TAFAZZIN: variants seen among roughly 807,000 people sequenced by gnomAD.
The protein encoded by TAFAZZIN is tafazzin, phospholipid-lysophospholipid transacylase, also known as protein G4.5.
TAFAZZIN carries 6 observed loss-of-function variants against 27.3 expected under a neutral mutation model. The ratio of observed to expected loss-of-function variants is 0.22; its 90% CI spans 0.12 to 0.43. TAFAZZIN has a LOEUF of 0.43. Among genes scored for constraint, TAFAZZIN ranks in the 20% least tolerant of loss-of-function variants. The pLI is 1.00. For missense variants in TAFAZZIN, 127 were observed against 244.5 expected (o/e 0.52, Z 3.21); for synonymous variants, 79 against 96.2 (o/e 0.82, Z 1.04).
At chrX:154,419,654 C>T in intron 6 of TAFAZZIN, 31 bp downstream of exon 6, 2 of 1,211,855 alleles carry the variant, frequency 1.7e-6, no homozygotes, top group South Asian at 3.5e-5. Context: ...CGAGCCCCCC[C>T]AGTATGAGCG....
intron 10 of TAFAZZIN, 39 bp downstream of exon 10, chrX:154,420,774 C>T (rs2068608504): frequency 1.7e-6 from 2 of 1,197,075 alleles, no homozygotes; most frequent in South Asian, 3.5e-5. Context: ...TGTCCCCGGA[C>T]CCCCTGCTGC....
chrX:154,414,027 G>C, intron 4 of TAFAZZIN, 74 bp from the exon 5 acceptor site: 1 of 672,441 alleles, frequency 1.5e-6, no homozygotes, highest in African/African-American at 2.1e-5. Context: ...CAGAGATTAA[G>C]CTGCTGGCCC....
intron 4 of TAFAZZIN, 136 bp from the exon 5 acceptor site, chrX:154,413,965 C>A: frequency 1.9e-6 from 1 of 521,999 alleles, no homozygotes; most frequent in Non-Finnish European, 3.5e-6. Flanking sequence ...GGGGTGAGAA[C>A]CCCAGGGGAT....
Position 154,411,676 on chromosome X carries a change from C to T in TAFAZZIN, c.-168C>T, listed in dbSNP as rs1557190511. 3 of 517,895 alleles carry T rather than the reference C, an allele frequency of 5.8e-6. No homozygotes were observed. In the East Asian group the frequency reaches 1.2e-4, roughly 20 times the overall value. The allele number at this position is 517,895 out of a possible 1,213,427, so 42.7% of individuals were successfully genotyped here. A position where few individuals can be genotyped will look rare whatever the true frequency, so the allele number is the denominator to read the frequency against. ...GAGCGGGGCCGGGCGCTGCTCCGGC[C>T]TGACCTGCGAAGGGACCTCGGTCCA... is the stretch of plus-strand genomic sequence containing the variant. On this transcript the variant is annotated 5_prime_UTR_variant, in exon 1 of 11. Coordinates refer to ENST00000601016, the MANE Select transcript of TAFAZZIN (RefSeq NM_000116.5).
In TAFAZZIN at chrX:154,413,264, T is replaced by C; in HGVS notation, c.284+12T>C. The C allele has an allele frequency of 8.3e-7, 1 of 1,211,240 alleles. No homozygotes were observed. Among genetic ancestry groups the C allele is most frequent in the South Asian group, 1.8e-5 (1 of 56,919 alleles). On this transcript the variant is annotated intron_variant, in intron 3 of 10. Coordinates refer to ENST00000601016, the MANE Select transcript of TAFAZZIN (RefSeq NM_000116.5). Reference sequence around the variant, plus strand: ...AAGTTGATGCGTTGGTGAGGAGGAATGGGCCCCTCGAAGTGGGCCGGGCCG... The same window carrying C: ...AAGTTGATGCGTTGGTGAGGAGGAACGGGCCCCTCGAAGTGGGCCGGGCCG...
chrX:154,415,172 C>A (rs1569552789), intron 5 of TAFAZZIN, among the ~76,000 whole-genome samples: 1 of 109,240 alleles, frequency 9.2e-6, no homozygotes, highest in Non-Finnish European at 1.9e-5. Context: ...TGGCTCACTG[C>A]AGCTTCTGTT....
At position 154,421,373 on chromosome X, in the gene TAFAZZIN, G is replaced by A. The variant is rs782227200; in HGVS notation, c.*369G>A. 1.2e-4 allele frequency: 45 copies of A among 364,501 alleles called. No individual in the cohort carries two copies. The highest frequency in any genetic ancestry group is 5.7e-4 in the Admixed American group (19 of 33,251). The allele number at this position is 364,501 out of a possible 1,213,427, so 30.0% of individuals were successfully genotyped here. ...TGGAGAGGGGACCCTAAGACTCCTC[G>A]GCCTGGCTCCTACCCACCGCCCTTG... On this transcript the variant is annotated 3_prime_UTR_variant, in exon 11 of 11. Transcript: ENST00000601016.
At position 154,413,477 on chromosome X, in the gene TAFAZZIN, C is replaced by T. The variant is rs2068386090; in HGVS notation, c.285-5C>T. On this transcript the variant is annotated splice_polypyrimidine_tract_variant and splice_region_variant and intron_variant, in intron 3 of 10. Coordinates refer to ENST00000601016, the MANE Select transcript of TAFAZZIN (RefSeq NM_000116.5). ...GCAGGACTAATTGCATCTGTCCCTG[C>T]TTAGGACCCCTGCAGCTGCAGACAT... 1 of 1,210,532 alleles carries T rather than the reference C, an allele frequency of 8.3e-7. No individual in the cohort carries two copies. The highest frequency in any genetic ancestry group is 1.8e-5 in the South Asian group (1 of 56,924).
At position 154,412,138 on chromosome X, in the gene TAFAZZIN, C is replaced by G. The variant is rs1557191093; in HGVS notation, c.162C>G (p.Ile54Met). Residue 54 changes from isoleucine (I) to methionine (M), a missense_variant, in exon 2 of 11, where the codon ATC (isoleucine) becomes ATG (methionine). By Grantham distance (10) the Ile-to-Met change is conservative. Coordinates refer to ENST00000601016, the MANE Select transcript of TAFAZZIN (RefSeq NM_000116.5). The stretch of plus-strand genomic sequence containing the variant: ...ACAGGGAGGTGCTGTACGAGCTCAT[C>G]GAGAAGCGAGGCCCGGCCACGCCCC... The part of the protein sequence containing the change: ...VHNREVLYEL[I>M]EKRGPATPLI... The G allele has an allele frequency of 8.3e-7, 1 of 1,205,133 alleles. No individual in the cohort carries two copies. Among genetic ancestry groups the G allele is most frequent in the Non-Finnish European group, 1.1e-6 (1 of 892,652 alleles).
At chrX:154,415,289 A>G (rs1168964825) in intron 5 of TAFAZZIN, among the ~76,000 whole-genome samples, 1 of 107,993 alleles carries the variant, frequency 9.3e-6, no homozygotes, top group Non-Finnish European at 1.9e-5. Context: ...GTCTTACTAC[A>G]TTGCCAGGGC....
chrX:154,413,220 C>T lies in TAFAZZIN; in HGVS notation c.252C>T (p.Leu84=). The T allele has an allele frequency of 2.5e-6, 3 of 1,212,088 alleles. No homozygotes were observed. Among genetic ancestry groups the T allele is most frequent in the Non-Finnish European group, 3.3e-6 (3 of 895,553 alleles). The part of the protein sequence containing the change: ...DDPHLWGILK[L]RHIWNLKLMR... ...CCTGTCCTCTAGGGATCCTGAAACT[C>T]CGCCACATCTGGAACCTGAAGTTGA... Residue 84 remains leucine, a synonymous_variant, in exon 3 of 11, where the codon CTC becomes CTT. Transcript: ENST00000601016.
intron 2 of TAFAZZIN, 104 bp downstream of exon 2, chrX:154,412,318 T>C (rs1365559564): frequency 9.4e-7 from 1 of 1,064,517 alleles, no homozygotes; most frequent in Non-Finnish European, 1.3e-6. Context: ...CATGGAGCCC[T>C]GGCACTCCGG....
At chrX:154,415,373 C>G (rs1259821570) in intron 5 of TAFAZZIN, among the ~76,000 whole-genome samples, 1 of 110,838 alleles carries the variant, frequency 9.0e-6, no homozygotes, top group Non-Finnish European at 1.9e-5. Flanking sequence ...AGGCATGAGC[C>G]ATTGTGCCCA....
At position 154,413,521 on chromosome X, in the gene TAFAZZIN, A is replaced by G. The variant is rs2068387204; in HGVS notation, c.324A>G (p.Leu108=). ...CAGACATCTGCTTCACCAAGGAGCT[A>G]CACTCCCACTTCTTCAGCTTGGGCA... is the stretch of plus-strand genomic sequence containing the variant. ...AAADICFTKE[L]HSHFFSLGKC... The change falls in exon 4 of 11, where the codon CTA becomes CTG. Residue 108 remains leucine, a synonymous_variant. Coordinates refer to ENST00000601016, the MANE Select transcript of TAFAZZIN (RefSeq NM_000116.5). 2.5e-6 allele frequency: 3 copies of G among 1,212,211 alleles called. No individual in the cohort carries two copies. Among genetic ancestry groups the G allele is most frequent in the Non-Finnish European group, 3.3e-6 (3 of 895,568 alleles).
In TAFAZZIN at chrX:154,419,709, A is replaced by G; in HGVS notation, c.546A>G (p.Lys182=). The G allele has an allele frequency of 8.2e-7, 1 of 1,212,336 alleles. No individual in the cohort carries two copies. The change falls in exon 7 of 11, where the codon AAA becomes AAG. Residue 182 remains lysine, a synonymous_variant. Transcript: ENST00000601016. ...GCCTCTGTGCTCTCTCACCAGGGAA[A>G]GTGAACATGAGTTCCGAATTCCTGC... ...GDWVHIFPEG[K]VNMSSEFLRF...
intron 5 of TAFAZZIN, among the ~76,000 whole-genome samples, chrX:154,414,555 G>T (rs1216462359): frequency 1.8e-5 from 2 of 108,440 alleles, no homozygotes; most frequent in Non-Finnish European, 3.8e-5. Context: ...AGCTGGGCAT[G>T]GTAGTGGGCG....
At position 154,413,203 on chromosome X, in the gene TAFAZZIN, C is replaced by T; in HGVS notation, c.239-4C>T. The T allele has an allele frequency of 8.3e-7, 1 of 1,212,111 alleles. No homozygotes were observed. Among genetic ancestry groups the T allele is most frequent in the Non-Finnish European group, 1.1e-6 (1 of 895,540 alleles). On this transcript the variant is annotated splice_region_variant and splice_polypyrimidine_tract_variant and intron_variant, in intron 2 of 10. Transcript: ENST00000601016. ...TGGGGCATGAAGCCTTTCCTGTCCT[C>T]TAGGGATCCTGAAACTCCGCCACAT...
chrX:154,412,951 T>C, intron 2 of TAFAZZIN: 1 of 438,790 alleles, frequency 2.3e-6, no homozygotes, highest in South Asian at 3.2e-5. Flanking sequence ...CAGGGAGAAG[T>C]ATAGAAGAAT....
chrX:154,412,183 C>T lies in TAFAZZIN; in HGVS notation c.207C>T (p.His69=). 8.3e-7 allele frequency: 1 copy of T among 1,200,788 alleles called. No homozygotes were observed. Among genetic ancestry groups the T allele is most frequent in the Non-Finnish European group, 1.1e-6 (1 of 889,667 alleles). ...PATPLITVSN[H]QSCMDDPHLW... is the part of the protein sequence containing the mutation. ...CGCCCCTCATCACCGTGTCCAATCA[C>T]CAGTCCTGCATGGACGACCCTCATC... Residue 69 remains histidine, a synonymous_variant, in exon 2 of 11, where the codon CAC becomes CAT. Coordinates refer to ENST00000601016, the MANE Select transcript of TAFAZZIN (RefSeq NM_000116.5).
Sources: gnomAD v4.1 joint callset for allele counts (sites outside exome capture counted in the v4.1 genomes callset) on GRCh38, gnomAD v4.1.1 for gene constraint, MANE v1.5 for transcripts, NCBI Gene and HGNC (gene_info 2026-07-23, HGNC 2026-07-21) for gene names.